FGF14: variants seen among roughly 807,000 people sequenced by gnomAD.
FGF14 encodes fibroblast growth factor homologous factor 4.
FGF14 carries 5 observed loss-of-function variants against 25.5 expected under a neutral mutation model. That is an observed-to-expected ratio of 0.20 (90% CI 0.10 to 0.41). The LOEUF (loss-of-function observed/expected upper bound fraction) is 0.41, where lower values mean the gene tolerates loss of function less well. Ranked by LOEUF, FGF14 falls within the 10% of genes least tolerant of loss-of-function variation. FGF14 has a pLI of 1.00. For synonymous variants in FGF14, 138 were observed against 118.3 expected, an observed-to-expected ratio of 1.17 and a Z score of -1.08; for missense variants, 222 against 320.1, an observed-to-expected ratio of 0.69 and a Z score of 2.34.
chr13:101,864,300 A>T (rs1056484406), intron 3 of FGF14, among the ~76,000 whole-genome samples: 3 of 152,088 alleles, frequency 2.0e-5, no homozygotes, highest in African/African-American at 7.2e-5. Flanking sequence ...AAATCCAAAT[A>T]TTTAGTTTCA....
chr13:101,895,795 T>C (rs899830496), intron 1 of FGF14, among the ~76,000 whole-genome samples: 2 of 152,170 alleles, frequency 1.3e-5, no homozygotes, highest in Non-Finnish European at 2.9e-5. Flanking sequence ...CTAGAAATAT[T>C]CTATAACAAA....
intron 1 of FGF14, among the ~76,000 whole-genome samples, chr13:102,340,440 T>C (rs528532430): frequency 6.7e-4 from 100 of 148,612 alleles, no homozygotes; most frequent in Non-Finnish European, 1.3e-3. Flanking sequence ...TACAAACACA[T>C]ACACACACAC....
intron 1 of FGF14, among the ~76,000 whole-genome samples, chr13:102,350,389 A>T (rs1328390608): frequency 6.6e-6 from 1 of 151,952 alleles, no homozygotes; most frequent in Non-Finnish European, 1.5e-5. Context: ...AAAAAAAAAA[A>T]AAAATCATCT....
chr13:102,354,836 T>C (rs1189034130), intron 1 of FGF14, among the ~76,000 whole-genome samples: 7 of 152,208 alleles, frequency 4.6e-5, no homozygotes, highest in African/African-American at 1.7e-4. Flanking sequence ...TTATTCTCTC[T>C]TTGGAGAGAA....
intron 1 of FGF14, among the ~76,000 whole-genome samples, chr13:101,939,171 A>T (rs1034444610): frequency 1.5e-4 from 23 of 152,184 alleles, no homozygotes; most frequent in Non-Finnish European, 8.8e-5. Context: ...AAAAACCTAT[A>T]TTGATCTCTA....
rs60775005 is a variant in FGF14 at position 102,096,001 on chromosome 13, G to GTATATA, written c.209-220711_209-220706dup. ...TTTGTGTGTGTGTGTGTGTGTGTGT[G>GTATATA]TATATATATATATATAATATATTTC... On this transcript the variant is annotated intron_variant, in intron 1 of 4. Coordinates refer to the FGF14 transcript ENST00000376131. Among the ~76,000 whole-genome samples, 253 of 135,032 alleles carry GTATATA rather than the reference G, an allele frequency of 1.9e-3. 1 individual carries two copies. Among genetic ancestry groups the GTATATA allele is most frequent in the African/African-American group, 4.8e-3 (172 of 35,500 alleles). 88.6% of individuals were successfully genotyped at this position (135,032 alleles called of 152,430 possible). A position where few individuals can be genotyped will look rare whatever the true frequency, so the allele number is the denominator to read the frequency against.
chr13:101,802,848 T>A (rs1196203409), intron 3 of FGF14, among the ~76,000 whole-genome samples: 1 of 152,132 alleles, frequency 6.6e-6, no homozygotes, highest in African/African-American at 2.4e-5. Context: ...TGTACATACA[T>A]ATCTTTTGTA....
intron 3 of FGF14, among the ~76,000 whole-genome samples, chr13:101,751,870 A>G (rs1174456942): frequency 1.3e-5 from 2 of 151,116 alleles, no homozygotes; most frequent in Non-Finnish European, 2.9e-5. Flanking sequence ...GTTATATATA[A>G]AAAAAATAAT....
intron 3 of FGF14, among the ~76,000 whole-genome samples, chr13:101,851,615 A>C (rs1279404879): frequency 6.6e-6 from 1 of 152,078 alleles, no homozygotes; most frequent in Non-Finnish European, 1.5e-5. Context: ...AAAGCGAGGG[A>C]CTTCAACCTA....
intron 1 of FGF14, among the ~76,000 whole-genome samples, chr13:102,355,785 GAATATATTTAAAAT>G (rs2057403589): frequency 6.6e-6 from 1 of 151,788 alleles, no homozygotes; most frequent in Non-Finnish European, 1.5e-5. Context: ...TAACGTATGT[GAATATATTTAAAAT>G]AATTCTTCCT....
intron 1 of FGF14, among the ~76,000 whole-genome samples, chr13:101,929,396 T>C (rs1225014720): frequency 6.6e-6 from 1 of 152,044 alleles, no homozygotes; most frequent in East Asian, 1.9e-4. Context: ...GCCTAATCTG[T>C]GAAGGTAAGC....
At chr13:102,122,136 A>G (rs1053846813) in intron 1 of FGF14, among the ~76,000 whole-genome samples, 4 of 152,188 alleles carry the variant, frequency 2.6e-5, no homozygotes, top group African/African-American at 9.7e-5. Context: ...AAGCAACTTA[A>G]TTTATTCACA....
At chr13:101,877,234 A>G (rs2045450411) in intron 1 of FGF14, among the ~76,000 whole-genome samples, 1 of 152,170 alleles carries the variant, frequency 6.6e-6, no homozygotes, top group South Asian at 2.1e-4. Flanking sequence ...ATAAAATGTA[A>G]AATTATGTTT....
chr13:101,810,924 T>C (rs9518565), intron 3 of FGF14, among the ~76,000 whole-genome samples: 106,916 of 151,790 alleles, frequency 0.7, 38,117 homozygotes, highest in East Asian at 0.82. Context: ...GTTTCACTTA[T>C]TTAAAAAAAC....
chr13:102,279,261 A>G (rs1040156682), intron 1 of FGF14, among the ~76,000 whole-genome samples: 5 of 152,162 alleles, frequency 3.3e-5, no homozygotes, highest in African/African-American at 1.2e-4. Flanking sequence ...TCTCCCAAGT[A>G]ATATATTTAC....
intron 1 of FGF14, among the ~76,000 whole-genome samples, chr13:102,021,394 C>T (rs2040644300): frequency 6.6e-6 from 1 of 151,872 alleles, no homozygotes; most frequent in South Asian, 2.1e-4. Context: ...ATATCGTGAA[C>T]TCCTCACTCC....
chr13:102,161,638 A>C lies in FGF14; in HGVS notation c.208+239833T>G, dbSNP rs1448665304. On this transcript the variant is annotated intron_variant, in intron 1 of 4. Transcript: ENST00000376131. ...GAAGAAGAAGAAGAAGAAGAAGAAG[A>C]AGAAGAAGAAGAAGAAGAAGAAGAA... Among the ~76,000 whole-genome samples the C allele has an allele frequency of 1.2e-3, 14 of 11,574 alleles. No individual in the cohort carries two copies. The East Asian group carries it at 0.021, about 17-fold the overall frequency. 7.6% of individuals were successfully genotyped at this position (11,574 alleles called of 152,430 possible).
intron 3 of FGF14, among the ~76,000 whole-genome samples, chr13:101,827,936 A>G (rs996034236): frequency 8.4e-5 from 11 of 130,562 alleles, no homozygotes; most frequent in African/African-American, 2.4e-4. Flanking sequence ...AAAAAAAAAA[A>G]AAAGAAAGAA....
chr13:102,054,078 T>G (rs971200686), intron 1 of FGF14, among the ~76,000 whole-genome samples: 1 of 152,142 alleles, frequency 6.6e-6, no homozygotes, highest in African/African-American at 2.4e-5. Context: ...ACTTATAGAT[T>G]TTGCAGCATC....
Sources: gnomAD v4.1 joint callset for allele counts (sites outside exome capture counted in the v4.1 genomes callset) on GRCh38, gnomAD v4.1.1 for gene constraint, MANE v1.5 for transcripts, NCBI Gene and HGNC (gene_info 2026-07-23, HGNC 2026-07-21) for gene names.